FER: variants seen among roughly 807,000 people sequenced by gnomAD.
FER encodes tyrosine-protein kinase Fer.
In FER, 63 loss-of-function variants were observed where a neutral mutation model predicts 111.0. That is an observed-to-expected ratio of 0.57 (90% confidence interval 0.46 to 0.70). FER has a LOEUF of 0.70. Among genes scored for constraint, FER ranks in the 30% least tolerant of loss-of-function variants. The pLI, the probability that FER is intolerant of heterozygous loss-of-function variation, is 0.00. For synonymous variants in FER, 327 were observed against 313.9 expected, an observed-to-expected ratio of 1.04 and a Z score of -0.44; for missense variants, 914 against 954.0, an observed-to-expected ratio of 0.96 and a Z score of 0.55.
At chr5:109,082,181 G>A (rs1468793409) in intron 16 of FER, among the ~76,000 whole-genome samples, 8 of 151,788 alleles carry the variant, frequency 5.3e-5, no homozygotes, top group Non-Finnish European at 7.4e-5. Context: ...TTCTTTCTTT[G>A]TTCATTTCTA....
intron 3 of FER, among the ~76,000 whole-genome samples, chr5:108,805,110 A>G (rs962513379): frequency 6.6e-6 from 1 of 151,930 alleles, no homozygotes; most frequent in African/African-American, 2.4e-5. Context: ...AACTCCCACA[A>G]TTCCCACATG....
chr5:108,997,624 G>A (rs1348388783), intron 13 of FER, among the ~76,000 whole-genome samples: 7 of 152,146 alleles, frequency 4.6e-5, no homozygotes, highest in Admixed American at 6.5e-5. Context: ...CCCACTTGAG[G>A]AGGCAGTCTT....
chr5:108,951,108 A>G (rs1757677500), intron 11 of FER, among the ~76,000 whole-genome samples: 1 of 151,886 alleles, frequency 6.6e-6, no homozygotes, highest in Admixed American at 6.6e-5. Flanking sequence ...GTCTCCACTA[A>G]AAGTACAAAA....
chr5:109,078,680 T>C (rs1426839312), intron 16 of FER, among the ~76,000 whole-genome samples: 1 of 152,198 alleles, frequency 6.6e-6, no homozygotes, highest in African/African-American at 2.4e-5. Flanking sequence ...TTAGTAAATA[T>C]TGACCAAGTT....
chr5:108,899,891 G>A (rs1749761994), intron 10 of FER, among the ~76,000 whole-genome samples: 1 of 152,082 alleles, frequency 6.6e-6, no homozygotes, highest in Non-Finnish European at 1.5e-5. Context: ...AATAGATAAT[G>A]TTTCTGAGGT....
At chr5:109,114,111 G>A (rs1247372092) in intron 17 of FER, among the ~76,000 whole-genome samples, 1 of 152,102 alleles carries the variant, frequency 6.6e-6, no homozygotes, top group Non-Finnish European at 1.5e-5. Context: ...TATATTGGAA[G>A]TGATGGGTAC....
At chr5:108,760,313 A>G (rs6882107) in intron 1 of FER, among the ~76,000 whole-genome samples, 79,488 of 151,960 alleles carry the variant, frequency 0.52, 22,530 homozygotes, top group African/African-American at 0.74. Flanking sequence ...TGGACTCTGC[A>G]ATATTTAGAA....
rs762689535 is a variant in FER, at chr5:108,798,214, A to G, written c.32A>G (p.His11Arg). Residue 11 changes from histidine to arginine, a missense_variant, in exon 3 of 20, where the codon CAT becomes CGT. By Grantham distance (29) the His-to-Arg change is conservative (BLOSUM62 0). Transcript: ENST00000281092. Reference sequence around the variant, plus strand: ...TTTGGGAGTGACCTGAAGAATTCACATGAAGCAGTGTTAAAATTGCAAGAC... The same window carrying G: ...TTTGGGAGTGACCTGAAGAATTCACGTGAAGCAGTGTTAAAATTGCAAGAC... MGFGSDLKNSHEAVLKLQDWE... is the reference protein window; with the variant it reads MGFGSDLKNSREAVLKLQDWE... 29 of 1,614,038 alleles carry G rather than the reference A, an allele frequency of 1.8e-5. No homozygotes were observed. Among genetic ancestry groups the G allele is most frequent in the Non-Finnish European group, 2.1e-5 (25 of 1,180,022 alleles).
intron 16 of FER, among the ~76,000 whole-genome samples, chr5:109,072,238 A>C (rs1775852803): frequency 6.6e-6 from 1 of 151,356 alleles, no homozygotes; most frequent in African/African-American, 2.4e-5. Flanking sequence ...CAGAAAAAAA[A>C]CCTCTTTCTA....
intron 2 of FER, among the ~76,000 whole-genome samples, chr5:108,788,738 T>C (rs10477429): frequency 0.24 from 35,750 of 152,038 alleles, 4,447 homozygotes; most frequent in African/African-American, 0.3. Flanking sequence ...AATTGACTCT[T>C]GAATTTGGAT....
intron 13 of FER, among the ~76,000 whole-genome samples, chr5:109,007,429 T>C (rs1444285458): frequency 6.7e-6 from 1 of 149,892 alleles, no homozygotes; most frequent in Non-Finnish European, 1.5e-5. Flanking sequence ...TATAGAACAA[T>C]TGCATCAGCT....
At chr5:108,956,802 G>A (rs1410399800) in intron 12 of FER, among the ~76,000 whole-genome samples, 1 of 151,438 alleles carries the variant, frequency 6.6e-6, no homozygotes, top group Non-Finnish European at 1.5e-5. Context: ...ATTTTGTGCA[G>A]GTGAATCTTC....
intron 10 of FER, among the ~76,000 whole-genome samples, chr5:108,941,554 CA>C (rs1421986288): frequency 5.3e-5 from 8 of 152,116 alleles, no homozygotes; most frequent in Non-Finnish European, 7.4e-5. Context: ...TAGTTTAAGT[CA>C]AGTAGAAAAA....
intron 16 of FER, among the ~76,000 whole-genome samples, chr5:109,098,773 T>A (rs529955787): frequency 6.6e-6 from 1 of 151,778 alleles, no homozygotes; most frequent in African/African-American, 2.4e-5. Context: ...TATTTGGTAT[T>A]CTCTTAAAAA....
intron 3 of FER, among the ~76,000 whole-genome samples, chr5:108,805,766 A>G (rs1219856073): frequency 6.6e-6 from 1 of 152,210 alleles, no homozygotes; most frequent in Non-Finnish European, 1.5e-5. Context: ...ATGTGCCAGA[A>G]GAAATTTCTA....
At chr5:109,131,836 C>T (rs571087424) in intron 17 of FER, among the ~76,000 whole-genome samples, 10 of 152,230 alleles carry the variant, frequency 6.6e-5, no homozygotes, top group African/African-American at 2.4e-4. Context: ...GCCTAGGAAT[C>T]ATTGTTTAGC....
intron 17 of FER, among the ~76,000 whole-genome samples, chr5:109,133,366 A>G (rs1168759811): frequency 1.3e-5 from 2 of 152,194 alleles, no homozygotes; most frequent in Non-Finnish European, 2.9e-5. Flanking sequence ...GCAGCAGCAA[A>G]AACAAGTAAA....
At chr5:109,144,495 C>G (rs1197624969) in intron 17 of FER, among the ~76,000 whole-genome samples, 1 of 152,104 alleles carries the variant, frequency 6.6e-6, no homozygotes, top group Non-Finnish European at 1.5e-5. Flanking sequence ...ACCTAGATGG[C>G]CTTTTCCAAT....
chr5:109,052,096 A>G lies in FER; in HGVS notation c.1924+4898A>G, dbSNP rs1411265975. On this transcript the variant is annotated intron_variant, in intron 16 of 19. Transcript: ENST00000281092. ...CTGCTTCAAGTGCATCTCCACATTGACACCATCAGTTTGGGCAACCTTGAG... is the reference window on the plus strand; with the variant it reads ...CTGCTTCAAGTGCATCTCCACATTGGCACCATCAGTTTGGGCAACCTTGAG... 6 of 1,603,932 alleles carry G rather than the reference A, an allele frequency of 3.7e-6. No individual in the cohort carries two copies. The East Asian group carries it at 1.3e-4, about 36-fold the overall frequency.
Sources: gnomAD v4.1 joint callset for allele counts (sites outside exome capture counted in the v4.1 genomes callset) on GRCh38, gnomAD v4.1.1 for gene constraint, MANE v1.5 for transcripts, NCBI Gene and HGNC (gene_info 2026-07-23, HGNC 2026-07-21) for gene names.